The following CEMIP variants were observed in gnomAD, a reference collection of about 807,000 sequenced individuals.
CEMIP encodes the protein cell migration-inducing and hyaluronan-binding protein.
CEMIP carries 105 observed loss-of-function variants against 156.9 expected under a neutral mutation model. The observed-to-expected ratio is 0.67, with a 90% CI of 0.57 to 0.79. The LOEUF is 0.79. Among genes scored for constraint, CEMIP ranks in the 30% least tolerant of loss-of-function variants. The pLI is 0.00. For synonymous variants in CEMIP, 676 were observed against 668.4 expected, an observed-to-expected ratio of 1.01 and a Z score of -0.17; for missense variants, 1,457 against 1,769.4, an observed-to-expected ratio of 0.82 and a Z score of 3.17.
chr15:80,947,532 ATGGC>A (rs1405222306), intron 29 of CEMIP: 6 of 169,674 alleles, frequency 3.5e-5, no homozygotes, highest in Non-Finnish European at 6.4e-5. Context: ...GAGAACCTAC[ATGGC>A]TTGTCCAAGG....
At chr15:80,832,336 G>C (rs1005928058) in intron 1 of CEMIP, among the ~76,000 whole-genome samples, 4 of 151,030 alleles carry the variant, frequency 2.6e-5, no homozygotes, top group African/African-American at 9.7e-5. Context: ...GTGTGTGTGT[G>C]TGTGTGTGTG....
Position 80,932,104 on chromosome 15 carries a change from C to T in CEMIP, c.2793+65C>T. The T allele has an allele frequency of 6.3e-7, 1 of 1,578,210 alleles. No individual in the cohort carries two copies. The highest frequency in any genetic ancestry group is 2.2e-5 in the East Asian group (1 of 44,758). On this transcript the variant is annotated intron_variant, in intron 22 of 29. Coordinates refer to ENST00000394685, the MANE Select transcript of CEMIP (RefSeq NM_001293298.2). This position sits in a 1 kb window ranked among gnomAD's most constrained non-coding sequence, Gnocchi z 4.5. ...CTTTGGATGGTGATTCACAAGTCCC[C>T]TGGGTCCCAGAGTTTGAGCTATTGC...
At chr15:80,816,337 G>A (rs958744824) in intron 1 of CEMIP, among the ~76,000 whole-genome samples, 1 of 152,154 alleles carries the variant, frequency 6.6e-6, no homozygotes, top group South Asian at 2.1e-4. Context: ...TGAAATCAAA[G>A]AAATGGGTCC....
chr15:80,939,952 G>T, intron 25 of CEMIP, among the ~76,000 whole-genome samples: 1 of 152,252 alleles, frequency 6.6e-6, no homozygotes, highest in Non-Finnish European at 1.5e-5. Context: ...ATTTCAAAGT[G>T]TGAAATATAT....
chr15:80,949,023 A>T lies in CEMIP; in HGVS notation c.*99A>T. 3 of 1,523,198 alleles carry T rather than the reference A, an allele frequency of 2.0e-6. No homozygotes were observed. The highest frequency in any genetic ancestry group is 2.7e-6 in the Non-Finnish European group (3 of 1,102,514). 94.4% of individuals were successfully genotyped at this position (1,523,198 alleles called of 1,614,324 possible). A position where few individuals can be genotyped will look rare whatever the true frequency, so the allele number is the denominator to read the frequency against. ...GCTGGGTCCCCCAGCCCCTGCCAGC[A>T]GCTGCCTGGGAAGGCCGTGTTTCAG... On this transcript the variant is annotated 3_prime_UTR_variant, in exon 30 of 30. Coordinates refer to ENST00000394685, the MANE Select transcript of CEMIP (RefSeq NM_001293298.2).
intron 23 of CEMIP, among the ~76,000 whole-genome samples, chr15:80,935,168 A>C (rs1225299397): frequency 1.3e-5 from 2 of 152,158 alleles, no homozygotes; most frequent in Non-Finnish European, 2.9e-5. Flanking sequence ...CAAGATGCTA[A>C]TGGGAGTGAG....
chr15:80,870,490 C>G (rs1898253422), intron 1 of CEMIP, among the ~76,000 whole-genome samples: 1 of 152,338 alleles, frequency 6.6e-6, no homozygotes, highest in East Asian at 1.9e-4. Context: ...CAGGAGGCTC[C>G]TGTAACACTT....
intron 1 of CEMIP, among the ~76,000 whole-genome samples, chr15:80,861,568 G>A (rs964979569): frequency 6.6e-6 from 1 of 152,066 alleles, no homozygotes; most frequent in African/African-American, 2.4e-5. Context: ...GGAGAATGGG[G>A]AAAAAAGGGC....
chr15:80,819,053 G>A (rs1896853942), intron 1 of CEMIP, among the ~76,000 whole-genome samples: 1 of 152,148 alleles, frequency 6.6e-6, no homozygotes, highest in African/African-American at 2.4e-5. Context: ...AGTCTTCTTT[G>A]GCTGTACCAG....
chr15:80,938,886 C>A (rs1901237445), intron 25 of CEMIP, among the ~76,000 whole-genome samples: 1 of 152,160 alleles, frequency 6.6e-6, no homozygotes, highest in Non-Finnish European at 1.5e-5. Context: ...GGTAAAAGAT[C>A]AGTTGATGGC....
chr15:80,937,811 T>C lies in CEMIP; in HGVS notation c.3239T>C (p.Val1080Ala). ...INFNKGDWIR[V>A]GLCYPRGTTF... ...AATCCTAGGGGCGACTGGATCCGAGTGGGGCTCTGCTACCCGCGAGGCACC... is the reference window on the plus strand; with the variant it reads ...AATCCTAGGGGCGACTGGATCCGAGCGGGGCTCTGCTACCCGCGAGGCACC... Residue 1080 changes from valine to alanine, a missense_variant, in exon 25 of 30, where the codon GTG becomes GCG. Coordinates refer to ENST00000394685, the MANE Select transcript of CEMIP (RefSeq NM_001293298.2). The C allele has an allele frequency of 6.2e-7, 1 of 1,614,186 alleles. No individual in the cohort carries two copies. The highest frequency in any genetic ancestry group is 8.5e-7 in the Non-Finnish European group (1 of 1,180,022).
chr15:80,834,805 A>G (rs190864385), intron 1 of CEMIP, among the ~76,000 whole-genome samples: 224 of 152,186 alleles, frequency 1.5e-3, no homozygotes, highest in Admixed American at 2.0e-3. Context: ...TAAGGGAAAC[A>G]TAGTGGCGTT....
chr15:80,793,380 C>A (rs1596091903), intron 1 of CEMIP, among the ~76,000 whole-genome samples: 1 of 152,164 alleles, frequency 6.6e-6, no homozygotes, highest in Non-Finnish European at 1.5e-5. Flanking sequence ...ATTATCAACA[C>A]GAGGTTAAGT....
chr15:80,888,777 G>A lies in CEMIP; in HGVS notation c.945G>A (p.Leu315=), dbSNP rs751938826. The part of the protein sequence containing the change: ...TEHGEYFNVS[L]SSEWVQDVEW... Reference sequence around the variant, plus strand: ...ATGGCGAATATTTCAATGTTTCTTTGTCCAGTGAGTGGGTTCAAGGTGAGG... The same window carrying A: ...ATGGCGAATATTTCAATGTTTCTTTATCCAGTGAGTGGGTTCAAGGTGAGG... The change falls in exon 9 of 30, where the codon TTG becomes TTA. Residue 315 remains leucine (L), a synonymous_variant. Transcript: ENST00000394685. The A allele has an allele frequency of 3.7e-6, 6 of 1,614,096 alleles. No individual in the cohort carries two copies. Among genetic ancestry groups the A allele is most frequent in the Non-Finnish European group, 5.1e-6 (6 of 1,179,978 alleles).
intron 1 of CEMIP, among the ~76,000 whole-genome samples, chr15:80,829,344 G>C (rs186541289): frequency 6.6e-6 from 1 of 152,170 alleles, no homozygotes; most frequent in Non-Finnish European, 1.5e-5. Flanking sequence ...AGCTGCTGCT[G>C]TTGCTCAGCT....
chr15:80,782,448 T>G (rs1194808096), intron 1 of CEMIP, among the ~76,000 whole-genome samples: 1 of 152,166 alleles, frequency 6.6e-6, no homozygotes, highest in Non-Finnish European at 1.5e-5. Flanking sequence ...CCCAGAGCAG[T>G]GAGCACTTAT....
At chr15:80,868,530 C>T (rs1003134461) in intron 1 of CEMIP, among the ~76,000 whole-genome samples, 7 of 152,174 alleles carry the variant, frequency 4.6e-5, no homozygotes, top group Admixed American at 2.0e-4. Flanking sequence ...AACAGGTGCA[C>T]GCTGAAGTTT....
rs574726818 is a variant in CEMIP, at chr15:80,835,844, G to T, written c.-175-37694G>T. On this transcript the variant is annotated intron_variant, in intron 1 of 29. Coordinates refer to ENST00000394685, the MANE Select transcript of CEMIP (RefSeq NM_001293298.2). ...ACTGTTGCCACAGACAGTCTGGACA[G>T]ATTACAGCTTTGCCCCAACTTGAAC... Among the ~76,000 whole-genome samples, 4 of 152,256 alleles carry T rather than the reference G, an allele frequency of 2.6e-5. No homozygotes were observed. The South Asian group carries it at 8.3e-4, about 32-fold the overall frequency.
At chr15:80,848,193 A>G (rs1459808796) in intron 1 of CEMIP, among the ~76,000 whole-genome samples, 1 of 152,206 alleles carries the variant, frequency 6.6e-6, no homozygotes, top group Non-Finnish European at 1.5e-5. Flanking sequence ...GGAAGGGCTG[A>G]GGTAGCGTAT....
Sources: gnomAD v4.1 joint callset for allele counts (sites outside exome capture counted in the v4.1 genomes callset) on GRCh38, gnomAD v4.1.1 for gene constraint, Gnocchi (gnomAD v3.1) non-coding constraint, MANE v1.5 for transcripts, NCBI Gene and HGNC (gene_info 2026-07-23, HGNC 2026-07-21) for gene names.